Variants in LMBR1 observed in about 807,000 individuals in gnomAD.
LMBR1 encodes the protein limb region 1 protein homolog.
A neutral mutation model predicts 73.9 loss-of-function variants in LMBR1; 52 were observed. The ratio of observed to expected loss-of-function variants is 0.70; its 90% CI spans 0.56 to 0.89. The LOEUF is 0.89. Among genes scored for constraint, LMBR1 ranks in the 40% least tolerant of loss-of-function variants. The probability of loss-of-function intolerance (pLI) is 0.00; values close to 1 mark genes in which losing one functional copy is unlikely to be tolerated. For missense variants in LMBR1, 539 were observed against 579.8 expected, an observed-to-expected ratio of 0.93 and a Z score of 0.72; for synonymous variants, 215 against 209.4, an observed-to-expected ratio of 1.03 and a Z score of -0.23.
At chr7:156,766,759 C>T (rs1824161776) in intron 5 of LMBR1, among the ~76,000 whole-genome samples, 1 of 152,068 alleles carries the variant, frequency 6.6e-6, no homozygotes, top group Non-Finnish European at 1.5e-5. Flanking sequence ...AGTCTGCAGG[C>T]TGAGGTAAGC....
chr7:156,835,976 C>G (rs766688551), intron 2 of LMBR1, among the ~76,000 whole-genome samples: 6 of 152,066 alleles, frequency 3.9e-5, no homozygotes, highest in Non-Finnish European at 8.8e-5. Flanking sequence ...TTTTAAATAG[C>G]TACGATACTA....
intron 5 of LMBR1, among the ~76,000 whole-genome samples, chr7:156,780,594 G>A (rs954790904): frequency 6.6e-6 from 1 of 152,056 alleles, no homozygotes; most frequent in African/African-American, 2.4e-5. Context: ...TTCTATTTTT[G>A]TTCTAATAAT....
At chr7:156,833,447 T>G (rs1837035346) in intron 3 of LMBR1, 1 of 326,446 alleles carries the variant, frequency 3.1e-6, no homozygotes, top group African/African-American at 2.2e-5. Context: ...ATCATAGTCT[T>G]CTCAGCAGAC....
At chr7:156,853,667 G>GT (rs1162272244) in intron 1 of LMBR1, among the ~76,000 whole-genome samples, 1 of 152,032 alleles carries the variant, frequency 6.6e-6, no homozygotes, top group Non-Finnish European at 1.5e-5. Flanking sequence ...GTTTGTTTTT[G>GT]TTTTTTGAGA....
chr7:156,828,799 G>T (rs748058920), intron 3 of LMBR1, among the ~76,000 whole-genome samples: 126 of 152,096 alleles, frequency 8.3e-4, no homozygotes, highest in Non-Finnish European at 1.4e-3. Flanking sequence ...CAGTGATGTG[G>T]GATATGATGA....
At chr7:156,776,794 A>G (rs537581874) in intron 5 of LMBR1, among the ~76,000 whole-genome samples, 1 of 152,106 alleles carries the variant, frequency 6.6e-6, no homozygotes, top group African/African-American at 2.4e-5. Context: ...CTACTCCTTG[A>G]TTCCCAGCCC....
chr7:156,876,371 G>C (rs940172733), intron 1 of LMBR1, among the ~76,000 whole-genome samples: 47 of 152,074 alleles, frequency 3.1e-4, no homozygotes, highest in Non-Finnish European at 6.3e-4. Context: ...CAATAATAGT[G>C]GGGTATTTCA....
chr7:156,867,676 G>A (rs1798657650), intron 1 of LMBR1, among the ~76,000 whole-genome samples: 1 of 152,170 alleles, frequency 6.6e-6, no homozygotes, highest in Non-Finnish European at 1.5e-5. Context: ...CATATTACAT[G>A]AATCAATTTA....
intron 1 of LMBR1, among the ~76,000 whole-genome samples, chr7:156,862,771 A>C (rs1164659320): frequency 2.0e-5 from 3 of 152,240 alleles, no homozygotes; most frequent in Non-Finnish European, 4.4e-5. Flanking sequence ...GGAAGGCCTG[A>C]ATAAAGCAAA....
intron 15 of LMBR1, among the ~76,000 whole-genome samples, chr7:156,700,033 C>T (rs1025205833): frequency 6.6e-6 from 1 of 152,132 alleles, no homozygotes; most frequent in Non-Finnish European, 1.5e-5. Flanking sequence ...CCCAGCCATC[C>T]CATTACTGGG....
At chr7:156,724,870 C>T (rs1024085591) in intron 14 of LMBR1, among the ~76,000 whole-genome samples, 6 of 151,584 alleles carry the variant, frequency 4.0e-5, no homozygotes, top group African/African-American at 1.5e-4. Context: ...AAGCTTTCAG[C>T]TCTTATTAGT....
intron 5 of LMBR1, among the ~76,000 whole-genome samples, chr7:156,765,213 C>T (rs938460178): frequency 6.6e-6 from 1 of 152,152 alleles, no homozygotes; most frequent in Non-Finnish European, 1.5e-5. Context: ...AATCTCATCT[C>T]GAATTGTAAT....
intron 9 of LMBR1, among the ~76,000 whole-genome samples, chr7:156,752,698 AG>A (rs1479286886): frequency 6.6e-6 from 1 of 152,144 alleles, no homozygotes; most frequent in Non-Finnish European, 1.5e-5. Context: ...TGAAGATCTG[AG>A]GGAAGAAAAG....
intron 1 of LMBR1, among the ~76,000 whole-genome samples, chr7:156,855,664 T>TAA (rs1796847559): frequency 5.1e-5 from 1 of 19,742 alleles, no homozygotes; most frequent in African/African-American, 2.1e-4. Flanking sequence ...ACAACGTAAA[T>TAA]ACAAAAAAAA....
chr7:156,809,198 A>C (rs921559436), intron 4 of LMBR1, among the ~76,000 whole-genome samples: 2 of 152,182 alleles, frequency 1.3e-5, no homozygotes, highest in African/African-American at 4.8e-5. Context: ...ACCTCCTACC[A>C]CATGAAGGAC....
intron 4 of LMBR1, among the ~76,000 whole-genome samples, chr7:156,820,903 T>C (rs893852548): frequency 2.6e-5 from 4 of 152,186 alleles, no homozygotes; most frequent in African/African-American, 7.2e-5. Flanking sequence ...CAGAGACGCA[T>C]GCTGTGTGGA....
chr7:156,808,868 C>T (rs944351974), intron 4 of LMBR1, among the ~76,000 whole-genome samples: 1 of 152,032 alleles, frequency 6.6e-6, no homozygotes, highest in African/African-American at 2.4e-5. Flanking sequence ...AATAAACTTG[C>T]TGTCACTTAG....
chr7:156,815,156 C>CA (rs10674367), intron 4 of LMBR1, among the ~76,000 whole-genome samples: 8,954 of 84,194 alleles, frequency 0.11, 664 homozygotes, highest in South Asian at 0.18. Flanking sequence ...AACTCCGTCT[C>CA]AAAAAAAAAA....
intron 5 of LMBR1, 59 bp from the exon 6 acceptor site, chr7:156,763,854 G>T: frequency 1.4e-6 from 2 of 1,413,514 alleles, no homozygotes; most frequent in Non-Finnish European, 1.9e-6. Context: ...GAACAATAAG[G>T]TTTCTGCCTA....
Sources: allele counts gnomAD v4.1 joint callset (sites outside exome capture counted in the v4.1 genomes callset), GRCh38; gene constraint gnomAD v4.1.1; transcripts MANE v1.5; gene names NCBI Gene and HGNC (gene_info 2026-07-23, HGNC 2026-07-21).